Variants in CTNNB1 observed in about 807,000 individuals in gnomAD.
CTNNB1 encodes catenin beta-1.
Under a neutral mutation model 82.5 loss-of-function variants are expected in CTNNB1, and 6 were observed. That is an observed-to-expected ratio of 0.07 (90% confidence interval 0.04 to 0.14). The LOEUF (loss-of-function observed/expected upper bound fraction) is 0.14. Ranked by LOEUF, CTNNB1 falls within the 10% of genes least tolerant of loss-of-function variation. The probability of loss-of-function intolerance (pLI) is 1.00; values close to 1 mark genes in which losing one functional copy is unlikely to be tolerated. For missense variants in CTNNB1, 529 were observed against 980.4 expected (o/e 0.54, Z 6.15); for synonymous variants, 312 against 329.7 (o/e 0.95, Z 0.58).
Position 41,234,254 on chromosome 3 carries a change from C to A in CTNNB1, c.1640C>A (p.Thr547Asn). 6.2e-7 allele frequency: 1 copy of A among 1,614,164 alleles called. No homozygotes were observed. The highest frequency in any genetic ancestry group is 8.5e-7 in the Non-Finnish European group (1 of 1,180,032). ...VQLLVRAHQD[T>N]QRRTSMGGTQ... ...TTGCTTGTTCGTGCACATCAGGATACCCAGCGCCGTACGTCCATGGGTGGG... is the reference window on the plus strand; with the variant it reads ...TTGCTTGTTCGTGCACATCAGGATAACCAGCGCCGTACGTCCATGGGTGGG... The change falls in exon 10 of 15, where the codon ACC (threonine) becomes AAC (asparagine). Residue 547 changes from threonine (T) to asparagine (N), a missense_variant. By Grantham distance (65) the Thr-to-Asn change is moderately conservative. Around this residue, in one of 4 missense-constraint regions of CTNNB1, gnomAD observed 411 missense variants for 776.4 expected, o/e 0.53. Transcript: ENST00000349496.
At chr3:41,208,415 T>C (rs1216875576) in intron 1 of CTNNB1, among the ~76,000 whole-genome samples, 1 of 152,222 alleles carries the variant, frequency 6.6e-6, no homozygotes, top group African/African-American at 2.4e-5. Flanking sequence ...CCCATTGTCA[T>C]ATCCTAGAAT....
At position 41,239,161 on chromosome 3, in the gene CTNNB1, G is replaced by A. The variant is rs2125653142; in HGVS notation, c.2165G>A (p.Gly722Asp). The A allele has an allele frequency of 6.2e-7, 1 of 1,614,094 alleles. No homozygotes were observed. The highest frequency in any genetic ancestry group is 8.5e-7 in the Non-Finnish European group (1 of 1,180,008). The stretch of plus-strand genomic sequence containing the variant: ...CCTAGCTATCGTTCTTTTCACTCTG[G>A]TGGATATGGCCAGGATGCCTTGGGT... ...DDPSYRSFHS[G>D]GYGQDALGMD... is the part of the protein sequence containing the mutation. The change falls in exon 15 of 15, where the codon GGT becomes GAT. Residue 722 changes from glycine to aspartate, a missense_variant. Physicochemically the swap from Gly to Asp is moderately conservative, Grantham distance 94. Coordinates refer to ENST00000349496, the MANE Select transcript of CTNNB1 (RefSeq NM_001904.4).
Position 41,233,729 on chromosome 3 carries a change from G to A in CTNNB1, c.1386G>A (p.Glu462=), listed in dbSNP as rs759385179. 6.2e-7 allele frequency: 1 copy of A among 1,613,956 alleles called. No individual in the cohort carries two copies. Among genetic ancestry groups the A allele is most frequent in the East Asian group, 2.2e-5 (1 of 44,874 alleles). The part of the protein sequence containing the change: ...LRAGDREDIT[E]PAICALRHLT... ...CTGGTGACAGGGAAGACATCACTGA[G>A]CCTGCCATCTGTGCTCTTCGTCATC... Residue 462 remains glutamate (E), a synonymous_variant, in exon 9 of 15, where the codon GAG becomes GAA. Transcript: ENST00000349496.
intron 1 of CTNNB1, among the ~76,000 whole-genome samples, chr3:41,215,105 C>T (rs919686391): frequency 1.3e-5 from 2 of 151,144 alleles, no homozygotes; most frequent in Non-Finnish European, 2.9e-5. Context: ...TGGCTGGGCG[C>T]AGTGGCTCAC....
chr3:41,213,097 CTT>C (rs1381574307), intron 1 of CTNNB1, among the ~76,000 whole-genome samples: 2 of 152,184 alleles, frequency 1.3e-5, no homozygotes, highest in African/African-American at 2.4e-5. Flanking sequence ...ACAGAAAACA[CTT>C]TTCTTACCAA....
rs1192696871 is a variant in CTNNB1, at chr3:41,239,273, C to T, written c.2277C>T (p.Ala759=). The T allele has an allele frequency of 2.5e-6, 4 of 1,614,026 alleles. No individual in the cohort carries two copies. The highest frequency in any genetic ancestry group is 1.3e-5 in the African/African-American group (1 of 74,908). Residue 759 remains alanine (A), a synonymous_variant, in exon 15 of 15, where the codon GCC becomes GCT. Coordinates refer to ENST00000349496, the MANE Select transcript of CTNNB1 (RefSeq NM_001904.4). ...PVDGLPDLGH[A]QDLMDGLPPG... ...ATGGGCTGCCAGATCTGGGGCATGC[C>T]CAGGACCTCATGGATGGGCTGCCTC...
chr3:41,209,402 C>G (rs2077725280), intron 1 of CTNNB1, among the ~76,000 whole-genome samples: 1 of 152,174 alleles, frequency 6.6e-6, no homozygotes, highest in East Asian at 1.9e-4. Flanking sequence ...GCATCTTAGT[C>G]TTTTCCGAAA....
At position 41,239,984 on chromosome 3, in the gene CTNNB1, C is replaced by CTTTT. The variant is rs1491138983; in HGVS notation, c.*643_*644insTTTT. 1 of 58,814 alleles carries CTTTT rather than the reference C, an allele frequency of 1.7e-5. No individual in the cohort carries two copies. Among genetic ancestry groups the CTTTT allele is most frequent in the Non-Finnish European group, 3.4e-5 (1 of 29,414 alleles). 3.6% of individuals were successfully genotyped at this position (58,814 alleles called of 1,614,324 possible). On this transcript the variant is annotated 3_prime_UTR_variant, in exon 15 of 15. Transcript: ENST00000349496. ...ACTGACTTTGCTTGCTTTGAAGTAG[C>CTTTT]TCTTTTTTTTTTTTTTTTTTTTTTT...
At chr3:41,235,098 C>T (rs11564463) in intron 10 of CTNNB1, 3,041 of 153,778 alleles carry the variant, frequency 0.02, 70 homozygotes, top group Non-Finnish European at 0.027. Flanking sequence ...GTTTTTGTGT[C>T]CTTGTAAGAA....
chr3:41,199,904 C>T (rs1454410741), intron 1 of CTNNB1: 1 of 133,586 alleles, frequency 7.5e-6, no homozygotes, highest in African/African-American at 2.8e-5. Context: ...CTGGGGGCAT[C>T]GCTTGCGGGG....
In CTNNB1 at chr3:41,199,541, C is replaced by G. The variant is rs988744124; in HGVS notation, c.-178C>G. The G allele has an allele frequency of 6.5e-6, 1 of 153,392 alleles. No individual in the cohort carries two copies. Among genetic ancestry groups the G allele is most frequent in the Non-Finnish European group, 1.4e-5 (1 of 69,112 alleles). 9.5% of individuals were successfully genotyped at this position (153,392 alleles called of 1,614,324 possible). On this transcript the variant is annotated 5_prime_UTR_variant, in exon 1 of 15. Coordinates refer to ENST00000349496, the MANE Select transcript of CTNNB1 (RefSeq NM_001904.4). ...TCTGTGGCAGCAGCGTTGGCCCGGC[C>G]CCGGGAGCGGAGAGCGAGGGGAGGC...
chr3:41,224,000 CTT>C lies in CTNNB1; in HGVS notation c.-48-18_-48-17del, dbSNP rs990559334. ...TCAAGCTAAATTTAAATCCTAATGA[CTT>C]TTGATTAACTTTTTTTAGGGTATTT... On this transcript the variant is annotated intron_variant, in intron 1 of 14. Transcript: ENST00000349496. 40 of 1,530,040 alleles carry C rather than the reference CTT, an allele frequency of 2.6e-5. No homozygotes were observed. In the Admixed American group the frequency reaches 4.8e-4, roughly 19 times the overall value. 94.8% of individuals were successfully genotyped at this position (1,530,040 alleles called of 1,614,324 possible). A position where few individuals can be genotyped will look rare whatever the true frequency, so the allele number is the denominator to read the frequency against.
intron 1 of CTNNB1, among the ~76,000 whole-genome samples, chr3:41,201,911 G>A (rs919799429): frequency 6.6e-6 from 1 of 152,094 alleles, no homozygotes; most frequent in African/African-American, 2.4e-5. Flanking sequence ...ATGAGGGTCT[G>A]TATGCTTGTT....
intron 3 of CTNNB1, 60 bp downstream of exon 3, chr3:41,224,813 A>C: frequency 6.3e-7 from 1 of 1,594,178 alleles, no homozygotes; most frequent in Non-Finnish European, 8.6e-7. Flanking sequence ...GAGAACTAAA[A>C]AGTTAGTGTA....
chr3:41,236,259 C>T (rs2078432600), intron 11 of CTNNB1, 90 bp from the exon 12 acceptor site: 3 of 1,482,942 alleles, frequency 2.0e-6, no homozygotes, highest in African/African-American at 1.4e-5. Context: ...GCCTCTTGCA[C>T]TCTGAATTGG....
At chr3:41,234,083 A>T in intron 9 of CTNNB1, 56 bp from the exon 10 acceptor site, 1 of 1,608,236 alleles carries the variant, frequency 6.2e-7, no homozygotes, top group South Asian at 1.1e-5. Flanking sequence ...TGGGAATTTT[A>T]GGGTAAGAAA....
chr3:41,205,711 C>T (rs2077633708), intron 1 of CTNNB1, among the ~76,000 whole-genome samples: 1 of 152,060 alleles, frequency 6.6e-6, no homozygotes, highest in African/African-American at 2.4e-5. Context: ...CTTCAAACTC[C>T]GTGTTTAAGT....
intron 1 of CTNNB1, among the ~76,000 whole-genome samples, chr3:41,208,936 G>A (rs1362918751): frequency 6.6e-6 from 1 of 151,866 alleles, no homozygotes; most frequent in African/African-American, 2.4e-5. Context: ...TCTCTTTCCC[G>A]CAAAATAACC....
intron 1 of CTNNB1, among the ~76,000 whole-genome samples, chr3:41,201,855 C>G (rs1211423572): frequency 6.6e-6 from 1 of 151,876 alleles, no homozygotes; most frequent in Non-Finnish European, 1.5e-5. Context: ...ATTTATCAGA[C>G]TGAGCTTACT....
Sources: allele counts gnomAD v4.1 joint callset (sites outside exome capture counted in the v4.1 genomes callset), GRCh38; gene constraint gnomAD v4.1.1; regional missense constraint gnomAD v4.1.1; transcripts MANE v1.5; gene names NCBI Gene and HGNC (gene_info 2026-07-23, HGNC 2026-07-21).